Variants in FYB1 observed in about 807,000 individuals in gnomAD.
FYB1 encodes FYN-binding protein 1.
Under a neutral mutation model 94.1 loss-of-function variants are expected in FYB1, and 41 were observed. That is an observed-to-expected ratio of 0.44 (90% CI 0.34 to 0.57). The LOEUF (loss-of-function observed/expected upper bound fraction) is 0.57, where lower values mean the gene tolerates loss of function less well. Among genes scored for constraint, FYB1 ranks in the 20% least tolerant of loss-of-function variants. The pLI is 0.02. For synonymous variants in FYB1, 367 were observed against 353.2 expected (o/e 1.04, Z -0.44); for missense variants, 1,050 against 976.8 (o/e 1.07, Z -1.00).
At position 39,139,231 on chromosome 5, in the gene FYB1, A is replaced by G. The variant is rs1031074611; in HGVS notation, c.1359+2T>C. On this transcript the variant is annotated splice_donor_variant, in intron 5 of 18. Transcript: ENST00000512982. LOFTEE classifies it high-confidence loss of function. ...TAATATGAGAAGAGAAAAAAATCTG[A>G]CCTCATCTAGATTTCCAGCACCTAA... 1.4e-6 allele frequency: 2 copies of G among 1,463,988 alleles called. No homozygotes were observed. Among genetic ancestry groups the G allele is most frequent in the Non-Finnish European group, 1.8e-6 (2 of 1,083,328 alleles). The allele number at this position is 1,463,988 out of a possible 1,614,324, so 90.7% of individuals were successfully genotyped here.
intron 1 of FYB1, among the ~76,000 whole-genome samples, chr5:39,258,555 G>A (rs539442881): frequency 1.3e-5 from 2 of 152,104 alleles, no homozygotes; most frequent in East Asian, 1.9e-4. Flanking sequence ...AGCTGAGATC[G>A]TGCCACTGCA....
chr5:39,108,586 T>C (rs1738759115), intron 17 of FYB1, among the ~76,000 whole-genome samples: 1 of 152,110 alleles, frequency 6.6e-6, no homozygotes, highest in Non-Finnish European at 1.5e-5. Context: ...GGATGTTAAT[T>C]CAAAGCTGCA....
chr5:39,235,733 G>A (rs1001140484), intron 1 of FYB1, among the ~76,000 whole-genome samples: 4 of 151,962 alleles, frequency 2.6e-5, no homozygotes, highest in African/African-American at 7.3e-5. Context: ...TCTAACATAC[G>A]ACAACTATCA....
chr5:39,127,851 TG>T, intron 10 of FYB1, 44 bp from the exon 11 acceptor site: 1 of 1,555,212 alleles, frequency 6.4e-7, no homozygotes, highest in Non-Finnish European at 8.7e-7. Flanking sequence ...TTTTATAATT[TG>T]GCCATGTAAT....
intron 2 of FYB1, among the ~76,000 whole-genome samples, chr5:39,191,583 C>T (rs1747365719): frequency 6.6e-6 from 1 of 152,016 alleles, no homozygotes; most frequent in Non-Finnish European, 1.5e-5. Context: ...TTTGATATGC[C>T]AGACAGAATG....
intron 2 of FYB1, among the ~76,000 whole-genome samples, chr5:39,168,906 A>G (rs969545568): frequency 2.6e-5 from 4 of 152,178 alleles, no homozygotes; most frequent in African/African-American, 9.7e-5. Flanking sequence ...CACCTAACAT[A>G]TAGATGGTCT....
chr5:39,121,938 G>C (rs1312778727), intron 14 of FYB1, among the ~76,000 whole-genome samples: 1 of 152,042 alleles, frequency 6.6e-6, no homozygotes, highest in Admixed American at 6.6e-5. Flanking sequence ...AAAGGTTTGG[G>C]GAAAACAGTA....
rs528438410 is a variant in FYB1 at position 39,266,058 on chromosome 5, T to G, written c.-28+8345A>C. Among the ~76,000 whole-genome samples the G allele has an allele frequency of 2.0e-5, 3 of 152,284 alleles. No individual in the cohort carries two copies. In the East Asian group the frequency reaches 5.8e-4, roughly 29 times the overall value. On this transcript the variant is annotated intron_variant, in intron 1 of 1. Transcript: ENST00000510188. ...GTACATGACTAGAACATCTATTTCT[T>G]CATTTCTTCCAGAAAATTCTACAAT...
intron 2 of FYB1, among the ~76,000 whole-genome samples, chr5:39,168,746 T>A (rs1424148128): frequency 6.6e-6 from 1 of 152,204 alleles, no homozygotes; most frequent in African/African-American, 2.4e-5. Flanking sequence ...CCAAACATAA[T>A]AGTCAATTGG....
chr5:39,138,824 G>T (rs1483609753), intron 5 of FYB1, 133 bp from the exon 6 acceptor site: 1 of 688,574 alleles, frequency 1.5e-6, no homozygotes, highest in Non-Finnish European at 2.7e-6. Context: ...AAATGGTCCA[G>T]AGGAATAACT....
At chr5:39,122,315 T>C in intron 14 of FYB1, 21 bp downstream of exon 14, 1 of 1,469,498 alleles carries the variant, frequency 6.8e-7, no homozygotes, top group Non-Finnish European at 9.4e-7. Context: ...TACTTCATTG[T>C]AATGAAAGCA....
chr5:39,153,406 C>G, intron 3 of FYB1, 42 bp downstream of exon 3: 1 of 1,605,092 alleles, frequency 6.2e-7, no homozygotes. Context: ...AAATCTACGG[C>G]AAGAGACTAG....
intron 1 of FYB1, among the ~76,000 whole-genome samples, chr5:39,234,942 C>A (rs1057087608): frequency 1.3e-5 from 2 of 151,372 alleles, no homozygotes; most frequent in Non-Finnish European, 3.0e-5. Flanking sequence ...CTAATGCATG[C>A]GGGCTTAAAA....
intron 2 of FYB1, chr5:39,169,839 G>T: frequency 1.9e-6 from 1 of 531,280 alleles, no homozygotes. Flanking sequence ...TTATACTGGG[G>T]TTCACAGAAC....
chr5:39,197,981 ATATAG>A (rs994649953), intron 2 of FYB1, among the ~76,000 whole-genome samples: 8 of 152,334 alleles, frequency 5.3e-5, no homozygotes, highest in African/African-American at 1.4e-4. Flanking sequence ...TCCTAGAATA[ATATAG>A]TATAATATAA....
chr5:39,246,993 C>T (rs1049429636), intron 1 of FYB1, among the ~76,000 whole-genome samples: 1 of 147,464 alleles, frequency 6.8e-6, no homozygotes, highest in African/African-American at 2.5e-5. Flanking sequence ...ATAATGTTGA[C>T]AATAGTACCT....
At chr5:39,177,577 A>C (rs1002841724) in intron 2 of FYB1, among the ~76,000 whole-genome samples, 3 of 152,228 alleles carry the variant, frequency 2.0e-5, no homozygotes, top group Non-Finnish European at 4.4e-5. Flanking sequence ...ATTGTGCTCA[A>C]ACTACTGATT....
intron 1 of FYB1, among the ~76,000 whole-genome samples, chr5:39,258,979 T>C (rs1198535613): frequency 6.6e-6 from 1 of 152,084 alleles, no homozygotes; most frequent in Non-Finnish European, 1.5e-5. Context: ...TGCTTTTCCC[T>C]CCTCAGCAAC....
chr5:39,179,742 G>A (rs1046809384), intron 2 of FYB1, among the ~76,000 whole-genome samples: 4 of 152,022 alleles, frequency 2.6e-5, no homozygotes, highest in Non-Finnish European at 5.9e-5. Flanking sequence ...GCCTCCCAAA[G>A]TGTTGAGATT....
Sources: allele counts gnomAD v4.1 joint callset (sites outside exome capture counted in the v4.1 genomes callset), GRCh38; gene constraint gnomAD v4.1.1; transcripts MANE v1.5; gene names NCBI Gene and HGNC (gene_info 2026-07-23, HGNC 2026-07-21).